IL12A: variants seen among roughly 807,000 people sequenced by gnomAD.
The protein encoded by IL12A is interleukin-12 subunit alpha.
IL12A carries 16 observed loss-of-function variants against 23.5 expected under a neutral mutation model. The ratio of observed to expected loss-of-function variants is 0.68; its 90% CI spans 0.46 to 1.03. The LOEUF (loss-of-function observed/expected upper bound fraction) is 1.03. IL12A is among the 50% of genes least tolerant of loss of function. The probability of loss-of-function intolerance (pLI) is 0.00; values close to 1 mark genes in which losing one functional copy is unlikely to be tolerated. For synonymous variants in IL12A, 106 were observed against 111.5 expected (o/e 0.95, Z 0.31); for missense variants, 275 against 307.0 (o/e 0.90, Z 0.78).
At chr3:159,991,688 T>C (rs2108044825) in intron 2 of IL12A, among the ~76,000 whole-genome samples, 1 of 152,362 alleles carries the variant, frequency 6.6e-6, no homozygotes, top group Admixed American at 6.5e-5. Context: ...TGGGTCCTAC[T>C]GGGCTAAAGT....
chr3:159,991,742 G>A (rs1235662337), intron 2 of IL12A, among the ~76,000 whole-genome samples: 1 of 152,244 alleles, frequency 6.6e-6, no homozygotes, highest in Non-Finnish European at 1.5e-5. Flanking sequence ...GGCTCTTGGG[G>A]AGAATCTGTT....
chr3:159,993,452 A>C lies in IL12A; in HGVS notation c.380A>C (p.Asn127Thr). 6.2e-7 allele frequency: 1 copy of C among 1,609,706 alleles called. No individual in the cohort carries two copies. The highest frequency in any genetic ancestry group is 8.5e-7 in the Non-Finnish European group (1 of 1,176,168). The change falls in exon 4 of 7, where the codon AAT becomes ACT. Residue 127 changes from asparagine (N) to threonine (T), a missense_variant and splice_region_variant. By Grantham distance (65) the Asn-to-Thr change is moderately conservative. Transcript: ENST00000305579. ...TGATATATGATTTTTTCCCTCTAGA[A>C]TGAGAGTTGCCTAAATTCCAGAGAG...
At chr3:159,993,347 TTATGA>T (rs1189601609) in intron 3 of IL12A, 99 bp from the exon 4 acceptor site, 102 of 861,022 alleles carry the variant, frequency 1.2e-4, no homozygotes, top group Non-Finnish European at 1.6e-4. Context: ...ATGCTAAATA[TTATGA>T]TATGTGTTTT....
At chr3:159,990,383 C>G (rs957330787) in intron 2 of IL12A, 71 bp downstream of exon 2, 2 of 1,469,042 alleles carry the variant, frequency 1.4e-6, no homozygotes, top group African/African-American at 2.8e-5. Flanking sequence ...ATCCTCCCCT[C>G]TGGTACCTGA....
At position 159,993,803 on chromosome 3, in the gene IL12A, C is replaced by G; in HGVS notation, c.565C>G (p.Leu189Val). The G allele has an allele frequency of 6.2e-7, 1 of 1,614,132 alleles. No homozygotes were observed. The highest frequency in any genetic ancestry group is 8.5e-7 in the Non-Finnish European group (1 of 1,179,996). ...GATGGATCCTAAGAGGCAGATCTTT[C>G]TAGATCAAAACATGCTGGCAGTTAT... The change falls in exon 6 of 7, where the codon CTA (leucine) becomes GTA (valine). Residue 189 changes from leucine to valine, a missense_variant. By Grantham distance (32) the Leu-to-Val change is conservative. Coordinates refer to ENST00000305579, the MANE Select transcript of IL12A (RefSeq NM_000882.4).
intron 1 of IL12A, among the ~76,000 whole-genome samples, chr3:159,989,961 G>C (rs961065756): frequency 1.3e-5 from 2 of 152,188 alleles, no homozygotes; most frequent in Admixed American, 6.5e-5. Flanking sequence ...ACCCTCACAG[G>C]GAGCTGGCTT....
chr3:159,988,893 G>A lies in IL12A; in HGVS notation c.-164G>A. 1.6e-6 allele frequency: 1 copy of A among 621,440 alleles called. No individual in the cohort carries two copies. 38.5% of individuals were successfully genotyped at this position (621,440 alleles called of 1,614,324 possible). A position where few individuals can be genotyped will look rare whatever the true frequency, so the allele number is the denominator to read the frequency against. On this transcript the variant is annotated 5_prime_UTR_variant, in exon 1 of 7. Coordinates refer to ENST00000305579, the MANE Select transcript of IL12A (RefSeq NM_000882.4). ...GCGGGGCCGTCCCGGAACGGCTGCG[G>A]CCGGGCACCCCGGGAGTTAATCCGA...
At chr3:159,989,210 G>A (rs767481934) in intron 1 of IL12A, 36 bp downstream of exon 1, 2 of 1,533,346 alleles carry the variant, frequency 1.3e-6, no homozygotes, top group Non-Finnish European at 1.8e-6. Context: ...TGGCTCGCTC[G>A]GGTGCGGAGG....
At chr3:159,993,662 A>G (rs1720396689) in intron 5 of IL12A, 39 bp from the exon 6 acceptor site, 1 of 1,614,122 alleles carries the variant, frequency 6.2e-7, no homozygotes, top group South Asian at 1.1e-5. Flanking sequence ...TTTTTAGCCC[A>G]TCTCAATGGA....
chr3:159,992,335 T>A (rs1720348261), intron 2 of IL12A, among the ~76,000 whole-genome samples: 1 of 152,184 alleles, frequency 6.6e-6, no homozygotes, highest in African/African-American at 2.4e-5. Context: ...CAGCTAAACT[T>A]GCAATCCAGG....
chr3:159,993,421 A>C (rs753074278), intron 3 of IL12A, 30 bp from the exon 4 acceptor site: 1 of 1,556,984 alleles, frequency 6.4e-7, no homozygotes, highest in Non-Finnish European at 8.8e-7. Context: ...CTAAGAATTA[A>C]TACTTTGATA....
intron 1 of IL12A, among the ~76,000 whole-genome samples, chr3:159,989,875 T>C (rs768134094): frequency 1.1e-4 from 16 of 152,188 alleles, no homozygotes; most frequent in Non-Finnish European, 2.1e-4. Context: ...CTGGTCTGGG[T>C]TTCCCTGATC....
Position 159,990,266 on chromosome 3 carries a change from A to T in IL12A, c.218A>T (p.His73Leu). The T allele has an allele frequency of 1.2e-6, 2 of 1,614,058 alleles. No individual in the cohort carries two copies. The highest frequency in any genetic ancestry group is 2.2e-5 in the South Asian group (2 of 91,072). Residue 73 changes from histidine (H) to leucine (L), a missense_variant, in exon 2 of 7, where the codon CAC becomes CTC. By Grantham distance (99) the His-to-Leu change is moderately conservative. Transcript: ENST00000305579. Reference sequence around the variant, plus strand: ...GACCCAGGAATGTTCCCATGCCTTCACCACTCCCAAAACCTGCTGAGGGCC... The same window carrying T: ...GACCCAGGAATGTTCCCATGCCTTCTCCACTCCCAAAACCTGCTGAGGGCC...
At chr3:159,995,297 G>A (rs41272945) in intron 6 of IL12A, 107 bp from the exon 7 acceptor site, 4 of 741,526 alleles carry the variant, frequency 5.4e-6, no homozygotes, top group South Asian at 4.3e-5. Context: ...TGGCATAAGG[G>A]ACTGAGTTGC....
intron 1 of IL12A, among the ~76,000 whole-genome samples, chr3:159,989,517 C>T (rs2108042509): frequency 6.6e-6 from 1 of 152,300 alleles, no homozygotes. Context: ...TGCAATGGCT[C>T]ACGCCTGTAA....
chr3:159,992,586 G>A (rs1412144854), intron 2 of IL12A, among the ~76,000 whole-genome samples: 1 of 152,172 alleles, frequency 6.6e-6, no homozygotes, highest in Non-Finnish European at 1.5e-5. Context: ...GGGTTTGCAT[G>A]TTTGTTATAT....
intron 6 of IL12A, chr3:159,994,369 A>G (rs1439502690): frequency 6.5e-6 from 1 of 154,710 alleles, no homozygotes; most frequent in African/African-American, 2.4e-5. Flanking sequence ...TGAACCAAAT[A>G]AAAGAATGAC....
At position 159,993,696 on chromosome 3, in the gene IL12A, C is replaced by T. The variant is rs1720397996; in HGVS notation, c.463-5C>T. 6.2e-7 allele frequency: 1 copy of T among 1,614,120 alleles called. No individual in the cohort carries two copies. Among genetic ancestry groups the T allele is most frequent in the Non-Finnish European group, 8.5e-7 (1 of 1,179,992 alleles). ...GATACTTCCCCATCTTGTCATGTCA[C>T]CCAGGCCCTGTGCCTTAGTAGTATT... On this transcript the variant is annotated splice_region_variant and splice_polypyrimidine_tract_variant and intron_variant, in intron 5 of 6. Coordinates refer to ENST00000305579, the MANE Select transcript of IL12A (RefSeq NM_000882.4).
At chr3:159,993,241 C>G in intron 3 of IL12A, 116 bp downstream of exon 3, 1 of 747,634 alleles carries the variant, frequency 1.3e-6, no homozygotes, top group East Asian at 2.6e-5. Context: ...TTTAACTGGT[C>G]CTACTTCAGA....
Sources: gnomAD v4.1 joint callset for allele counts (sites outside exome capture counted in the v4.1 genomes callset) on GRCh38, gnomAD v4.1.1 for gene constraint, MANE v1.5 for transcripts, NCBI Gene and HGNC (gene_info 2026-07-23, HGNC 2026-07-21) for gene names.